Variants in NT5C2 observed in about 807,000 individuals in gnomAD.
NT5C2 encodes cytosolic purine 5'-nucleotidase.
NT5C2 carries 58 observed loss-of-function variants against 76.1 expected under a neutral mutation model. The ratio of observed to expected loss-of-function variants is 0.76; its 90% confidence interval spans 0.62 to 0.95. The LOEUF is 0.95. NT5C2 is among the 40% of genes least tolerant of loss of function. NT5C2 has a pLI of 0.00. For synonymous variants in NT5C2, 229 were observed against 237.4 expected, an observed-to-expected ratio of 0.96 and a Z score of 0.32; for missense variants, 478 against 690.3, an observed-to-expected ratio of 0.69 and a Z score of 3.45.
intron 2 of NT5C2, among the ~76,000 whole-genome samples, chr10:103,177,381 G>T (rs1482101812): frequency 6.6e-6 from 1 of 152,120 alleles, no homozygotes; most frequent in African/African-American, 2.4e-5. Flanking sequence ...TTCAAATAAG[G>T]ATGAAAAATA....
At chr10:103,139,122 A>G (rs1296785924) in intron 4 of NT5C2, among the ~76,000 whole-genome samples, 2 of 152,200 alleles carry the variant, frequency 1.3e-5, no homozygotes. Context: ...ATGCCCAAAT[A>G]TACCTATCAA....
Position 103,093,996 on chromosome 10 carries a change from G to C in NT5C2, c.964C>G (p.Gln322Glu). ...LKIGTYTGPL[Q>E]HGIVYSGGSS... is the part of the protein sequence containing the mutation. ...CCTCCTGAGTAGACGATACCATGCT[G>C]TAGGGGCCCTGTGTAGGTACCAATT... The change falls in exon 14 of 19, where the codon CAG (glutamine) becomes GAG (glutamate). Residue 322 changes from glutamine (Q) to glutamate (E), a missense_variant. Coordinates refer to ENST00000404739, the MANE Select transcript of NT5C2 (RefSeq NM_001351169.2). 6.2e-7 allele frequency: 1 copy of C among 1,613,732 alleles called. No individual in the cohort carries two copies. Among genetic ancestry groups the C allele is most frequent in the Non-Finnish European group, 8.5e-7 (1 of 1,179,644 alleles).
At chr10:103,097,877 A>G (rs1179143776) in intron 10 of NT5C2, 1 of 387,988 alleles carries the variant, frequency 2.6e-6, no homozygotes, top group Admixed American at 4.2e-5. Flanking sequence ...TTAAATGAGG[A>G]AATTCTAACC....
chr10:103,177,489 A>G (rs2090210012), intron 2 of NT5C2, among the ~76,000 whole-genome samples: 1 of 152,296 alleles, frequency 6.6e-6, no homozygotes. Context: ...AAATGCTAAC[A>G]TCGTTTATGA....
chr10:103,118,965 G>A (rs781126557), intron 4 of NT5C2, among the ~76,000 whole-genome samples: 1 of 152,066 alleles, frequency 6.6e-6, no homozygotes, highest in Non-Finnish European at 1.5e-5. Flanking sequence ...CACTAAGGGA[G>A]ATCATGAATG....
chr10:103,089,655 G>A lies in NT5C2; in HGVS notation c.*17C>T, dbSNP rs2066179596. 3.2e-6 allele frequency: 5 copies of A among 1,577,312 alleles called. No individual in the cohort carries two copies. The highest frequency in any genetic ancestry group is 3.5e-5 in the Admixed American group (2 of 56,872). ...CAGGACTTGTTTAATGGGTGCTTGG[G>A]GTTTTGGTTTTCCTCCTTATTCTTC... On this transcript the variant is annotated 3_prime_UTR_variant, in exon 19 of 19. Coordinates refer to ENST00000404739, the MANE Select transcript of NT5C2 (RefSeq NM_001351169.2).
At chr10:103,098,818 T>G (rs772549199) in intron 10 of NT5C2, 113 bp downstream of exon 10, 1 of 765,456 alleles carries the variant, frequency 1.3e-6, no homozygotes, top group Non-Finnish European at 2.2e-6. Flanking sequence ...ACACATACTA[T>G]GCCAAGACAA....
chr10:103,107,785 T>C (rs2071726804), intron 4 of NT5C2, among the ~76,000 whole-genome samples: 1 of 152,048 alleles, frequency 6.6e-6, no homozygotes, highest in Non-Finnish European at 1.5e-5. Flanking sequence ...TGAGGGGTTC[T>C]CTCTCTATTG....
intron 4 of NT5C2, among the ~76,000 whole-genome samples, chr10:103,116,748 T>C (rs2074453260): frequency 6.6e-6 from 1 of 151,632 alleles, no homozygotes; most frequent in African/African-American, 2.4e-5. Flanking sequence ...GCTAATTTTT[T>C]TTTTTTTTTA....
chr10:103,174,416 CA>C (rs1187883595), intron 3 of NT5C2, among the ~76,000 whole-genome samples: 1 of 152,058 alleles, frequency 6.6e-6, no homozygotes, highest in Non-Finnish European at 1.5e-5. Flanking sequence ...AAAAAGAAAA[CA>C]AAAACTAGCT....
At chr10:103,129,311 C>T (rs1172266342) in intron 4 of NT5C2, among the ~76,000 whole-genome samples, 1 of 120,616 alleles carries the variant, frequency 8.3e-6, no homozygotes, top group African/African-American at 3.1e-5. Flanking sequence ...GGGGGTCAGC[C>T]CCCCGCCCGG....
chr10:103,132,941 T>C (rs896113051), intron 4 of NT5C2, among the ~76,000 whole-genome samples: 6 of 152,126 alleles, frequency 3.9e-5, no homozygotes, highest in Non-Finnish European at 7.4e-5. Flanking sequence ...GAATGAATCA[T>C]AAAAACATGC....
chr10:103,091,953 T>C (rs974431445), intron 15 of NT5C2, among the ~76,000 whole-genome samples: 5 of 152,202 alleles, frequency 3.3e-5, no homozygotes, highest in African/African-American at 9.7e-5. Flanking sequence ...TAAGCAAATG[T>C]TAACAGTCCC....
chr10:103,182,056 C>T (rs546784460), intron 1 of NT5C2, among the ~76,000 whole-genome samples: 2 of 151,464 alleles, frequency 1.3e-5, no homozygotes. Flanking sequence ...CTTTTCATGA[C>T]AATTCTGCAT....
intron 2 of NT5C2, chr10:103,175,999 G>C (rs1051552166): frequency 5.9e-6 from 1 of 170,366 alleles, no homozygotes; most frequent in African/African-American, 2.4e-5. Flanking sequence ...GGGGGCAGAG[G>C]GTAATGCTGC....
chr10:103,099,135 C>T lies in NT5C2; in HGVS notation c.634-151G>A, dbSNP rs184468673. 1,944 of 659,834 alleles carry T rather than the reference C, an allele frequency of 2.9e-3. 13 individuals carry two copies. Among genetic ancestry groups the T allele is most frequent in the Non-Finnish European group, 3.1e-3 (1,181 of 376,100 alleles). The allele number at this position is 659,834 out of a possible 1,614,324, so 40.9% of individuals were successfully genotyped here. On this transcript the variant is annotated intron_variant, in intron 9 of 18. Transcript: ENST00000404739. Reference sequence around the variant, plus strand: ...TTGCCCATGCTAGAGTGCAGTGGTACAATCTCAGCTCACTGCAGCCTCGAC... The same window carrying T: ...TTGCCCATGCTAGAGTGCAGTGGTATAATCTCAGCTCACTGCAGCCTCGAC...
chr10:103,178,912 C>T (rs1255951386), intron 2 of NT5C2, among the ~76,000 whole-genome samples: 5 of 148,398 alleles, frequency 3.4e-5, no homozygotes, highest in South Asian at 2.1e-4. Context: ...GTTTCCTCTA[C>T]GTTTTCTCTG....
chr10:103,101,883 T>G (rs576192821), intron 6 of NT5C2, among the ~76,000 whole-genome samples: 52 of 152,252 alleles, frequency 3.4e-4, no homozygotes, highest in African/African-American at 1.1e-3. Context: ...CCTTAAAGGC[T>G]AGGTGGACCA....
chr10:103,092,533 C>T (rs1479127793), intron 15 of NT5C2, among the ~76,000 whole-genome samples: 1 of 152,150 alleles, frequency 6.6e-6, no homozygotes, highest in Non-Finnish European at 1.5e-5. Flanking sequence ...GCTGAGTTTC[C>T]GGAGTCACCT....
Sources: allele counts gnomAD v4.1 joint callset (sites outside exome capture counted in the v4.1 genomes callset), GRCh38; gene constraint gnomAD v4.1.1; transcripts MANE v1.5; gene names NCBI Gene and HGNC (gene_info 2026-07-23, HGNC 2026-07-21).